The following FMN1 variants were observed in gnomAD, a reference collection of about 807,000 sequenced individuals.
FMN1 encodes formin-1.
Under a neutral mutation model 132.4 loss-of-function variants are expected in FMN1, and 110 were observed. That is an observed-to-expected ratio of 0.83 (90% CI 0.71 to 0.97). The LOEUF (loss-of-function observed/expected upper bound fraction) is 0.97. Among genes scored for constraint, FMN1 ranks in the 50% least tolerant of loss-of-function variants. The pLI is 0.00. For missense variants in FMN1, 1,792 were observed against 1,705.3 expected, an observed-to-expected ratio of 1.05 and a Z score of -0.90; for synonymous variants, 722 against 651.7, an observed-to-expected ratio of 1.11 and a Z score of -1.64.
intron 5 of FMN1, among the ~76,000 whole-genome samples, chr15:33,085,003 T>C (rs2038633032): frequency 6.6e-6 from 1 of 152,210 alleles, no homozygotes. Context: ...GCTGGTCCAA[T>C]GTCTCAGGCT....
intron 4 of FMN1, among the ~76,000 whole-genome samples, chr15:33,102,229 A>C (rs537847959): frequency 6.6e-6 from 1 of 152,244 alleles, no homozygotes; most frequent in Middle Eastern, 3.4e-3. Context: ...AGTATTACTG[A>C]GCAAGTTCCA....
At chr15:32,959,221 A>C (rs1237641185) in intron 9 of FMN1, among the ~76,000 whole-genome samples, 5 of 152,136 alleles carry the variant, frequency 3.3e-5, no homozygotes, top group Non-Finnish European at 7.4e-5. Context: ...TCATATGGGA[A>C]CCATTCCATG....
At chr15:32,854,191 G>A (rs1043242712) in intron 17 of FMN1, among the ~76,000 whole-genome samples, 1 of 151,946 alleles carries the variant, frequency 6.6e-6, no homozygotes, top group Non-Finnish European at 1.5e-5. Flanking sequence ...TAAAATATTT[G>A]ACATGTTTTT....
intron 9 of FMN1, among the ~76,000 whole-genome samples, chr15:32,937,285 C>A (rs2061298473): frequency 6.6e-6 from 1 of 152,156 alleles, no homozygotes; most frequent in Admixed American, 6.5e-5. Context: ...GACATAAGAT[C>A]CAGTCTTCTC....
intron 17 of FMN1, among the ~76,000 whole-genome samples, chr15:32,827,095 G>A (rs113586387): frequency 2.0e-5 from 3 of 152,174 alleles, no homozygotes; most frequent in African/African-American, 7.2e-5. Flanking sequence ...CAGGTTGTGT[G>A]AGACAGAAGT....
At chr15:32,935,010 C>G (rs1427962458) in intron 9 of FMN1, among the ~76,000 whole-genome samples, 1 of 151,910 alleles carries the variant, frequency 6.6e-6, no homozygotes, top group Admixed American at 6.6e-5. Flanking sequence ...CAACCTCTGC[C>G]TCCTGAGTTC....
rs768372347 is a variant in FMN1 at position 32,968,699 on chromosome 15, T to C, written c.2987+15A>G. On this transcript the variant is annotated intron_variant, in intron 8 of 20. Transcript: ENST00000616417. ...AGGAATTCACATGCTGAGAATGGGA[T>C]AGGGGAGAACTTACCTCCTATCACT... is the stretch of plus-strand genomic sequence containing the variant. 1 of 1,611,844 alleles carries C rather than the reference T, an allele frequency of 6.2e-7. No individual in the cohort carries two copies. Among genetic ancestry groups the C allele is most frequent in the African/African-American group, 1.3e-5 (1 of 74,844 alleles).
At chr15:32,866,309 A>T (rs2059392374) in intron 16 of FMN1, among the ~76,000 whole-genome samples, 1 of 151,810 alleles carries the variant, frequency 6.6e-6, no homozygotes, top group Non-Finnish European at 1.5e-5. Flanking sequence ...TTTTTCATAC[A>T]CTCTATTTGG....
intron 16 of FMN1, among the ~76,000 whole-genome samples, chr15:32,886,062 G>A (rs2059888840): frequency 6.6e-6 from 1 of 152,148 alleles, no homozygotes; most frequent in South Asian, 2.1e-4. Context: ...AAACCTGAAT[G>A]GAAACGTTAA....
chr15:33,005,258 G>A (rs1040965909), intron 7 of FMN1, among the ~76,000 whole-genome samples: 1 of 151,768 alleles, frequency 6.6e-6, no homozygotes, highest in Non-Finnish European at 1.5e-5. Context: ...TGGCAATAGT[G>A]AGCCATGGTG....
intron 17 of FMN1, among the ~76,000 whole-genome samples, chr15:32,853,191 CATT>C (rs763195987): frequency 2.4e-4 from 36 of 152,198 alleles, no homozygotes; most frequent in Non-Finnish European, 3.2e-4. Flanking sequence ...TCATTGCCAT[CATT>C]ATTATTTTGT....
At chr15:33,151,068 G>A (rs1006125483) in intron 4 of FMN1, 18 of 1,302,862 alleles carry the variant, frequency 1.4e-5, no homozygotes, top group Non-Finnish European at 1.7e-5. Context: ...AGAATATAAA[G>A]AGGACTCACA....
intron 4 of FMN1, among the ~76,000 whole-genome samples, chr15:33,126,198 A>C (rs1396235883): frequency 6.6e-6 from 1 of 151,480 alleles, no homozygotes; most frequent in East Asian, 1.9e-4. Context: ...ATGGTGTGTT[A>C]TTAAGCACCA....
intron 17 of FMN1, among the ~76,000 whole-genome samples, chr15:32,854,786 C>T (rs954971517): frequency 6.6e-6 from 1 of 151,932 alleles, no homozygotes; most frequent in Non-Finnish European, 1.5e-5. Context: ...TGGTGGTGGG[C>T]GCCTGTAATC....
intron 15 of FMN1, among the ~76,000 whole-genome samples, chr15:32,897,918 C>A (rs557887753): frequency 6.6e-6 from 1 of 152,226 alleles, no homozygotes; most frequent in South Asian, 2.1e-4. Flanking sequence ...AGGTTTCATG[C>A]CTTAATAGCC....
intron 4 of FMN1, among the ~76,000 whole-genome samples, chr15:33,117,297 G>GCC (rs1363577620): frequency 5.3e-5 from 8 of 152,132 alleles, no homozygotes; most frequent in Non-Finnish European, 8.8e-5. Context: ...GTAATGTCCT[G>GCC]CCATAAAGAA....
chr15:33,089,108 A>C lies in FMN1; in HGVS notation c.1868-134T>G, dbSNP rs543539669. 382 of 726,676 alleles carry C rather than the reference A, an allele frequency of 5.3e-4. 1 individual carries two copies. In the Middle Eastern group the frequency reaches 6.5e-3, roughly 12 times the overall value. 45.0% of individuals were successfully genotyped at this position (726,676 alleles called of 1,614,324 possible). A position where few individuals can be genotyped will look rare whatever the true frequency, so the allele number is the denominator to read the frequency against. On this transcript the variant is annotated intron_variant, in intron 4 of 20. Coordinates refer to ENST00000616417, the MANE Select transcript of FMN1 (RefSeq NM_001277313.2). ...TTGCTTTCTAAGTTATATTTTTAAG[A>C]GACTGCTTTCCTTTAAAAGTATTTC...
At chr15:33,162,915 G>A (rs947471341) in intron 3 of FMN1, among the ~76,000 whole-genome samples, 2 of 150,760 alleles carry the variant, frequency 1.3e-5, no homozygotes, top group Non-Finnish European at 1.5e-5. Context: ...TCAGGAGATT[G>A]AGACCAGCCT....
chr15:32,830,623 C>T (rs567199891), intron 17 of FMN1, among the ~76,000 whole-genome samples: 23 of 152,270 alleles, frequency 1.5e-4, no homozygotes, highest in African/African-American at 5.5e-4. Context: ...TAGACATCTT[C>T]CCTCTCGTAT....
Sources: allele counts gnomAD v4.1 joint callset (sites outside exome capture counted in the v4.1 genomes callset), GRCh38; gene constraint gnomAD v4.1.1; transcripts MANE v1.5; gene names NCBI Gene and HGNC (gene_info 2026-07-23, HGNC 2026-07-21).